The following NAV3 variants were observed in gnomAD, a reference collection of about 807,000 sequenced individuals.
NAV3 encodes the protein neuron navigator 3, also known as pore membrane and/or filament interacting like protein 1.
A neutral mutation model predicts 244.7 loss-of-function variants in NAV3; 87 were observed. The ratio of observed to expected loss-of-function variants is 0.36; its 90% CI spans 0.30 to 0.42. NAV3 has a LOEUF of 0.42. NAV3 is among the 20% of genes least tolerant of loss of function. NAV3 has a pLI of 1.00. For synonymous variants in NAV3, 1,126 were observed against 1,042.2 expected, an observed-to-expected ratio of 1.08 and a Z score of -1.55; for missense variants, 2,663 against 2,893.3, an observed-to-expected ratio of 0.92 and a Z score of 1.83.
At chr12:77,619,881 T>TCACACA (rs140525524) in intron 2 of NAV3, among the ~76,000 whole-genome samples, 2 of 149,256 alleles carry the variant, frequency 1.3e-5, no homozygotes, top group East Asian at 1.9e-4. Context: ...TCTCTCTCTC[T>TCACACA]CACACACACA....
intron 23 of NAV3, 148 bp downstream of exon 23, chr12:78,159,434 T>A (rs1310203741): frequency 1.8e-5 from 12 of 658,090 alleles, no homozygotes; most frequent in Non-Finnish European, 2.5e-5. Context: ...GAGACCAAGG[T>A]GGGTGGATCA....
intron 9 of NAV3, among the ~76,000 whole-genome samples, chr12:78,033,712 TCTCTACAATCCCCTC>T (rs1477300758): frequency 6.6e-6 from 1 of 152,142 alleles, no homozygotes; most frequent in Non-Finnish European, 1.5e-5. Context: ...TGATAAGCCT[TCTCTACAATCCCCTC>T]CTTGCTGGCT....
At chr12:77,959,329 C>T (rs1253107978) in intron 3 of NAV3, among the ~76,000 whole-genome samples, 1 of 151,810 alleles carries the variant, frequency 6.6e-6, no homozygotes, top group African/African-American at 2.4e-5. Context: ...TTAAGAAATA[C>T]TAGATTAAAA....
intron 2 of NAV3, among the ~76,000 whole-genome samples, chr12:77,645,413 TGTAAGAGGGTGAGATTTA>T (rs150477715): frequency 0.12 from 18,183 of 151,060 alleles, 1,999 homozygotes; most frequent in African/African-American, 0.29. Flanking sequence ...TCAAAGACAG[TGTAAGAGGGTGAGATTTA>T]CATCTCTAAG....
At chr12:77,998,872 G>T (rs895266263) in intron 7 of NAV3, among the ~76,000 whole-genome samples, 1 of 152,078 alleles carries the variant, frequency 6.6e-6, no homozygotes, top group African/African-American at 2.4e-5. Context: ...GACAATTAAG[G>T]TTGGAGCATC....
intron 2 of NAV3, among the ~76,000 whole-genome samples, chr12:77,737,411 T>A (rs1877382367): frequency 1.3e-5 from 2 of 151,396 alleles, no homozygotes; most frequent in South Asian, 4.2e-4. Flanking sequence ...ATTGCAAGGG[T>A]AGGGTAGGAA....
intron 2 of NAV3, among the ~76,000 whole-genome samples, chr12:77,577,262 C>A (rs902603): frequency 0.24 from 35,809 of 152,000 alleles, 4,657 homozygotes; most frequent in East Asian, 0.45. Context: ...ATCTGGCATC[C>A]TCTAAGGATG....
chr12:77,993,497 A>G (rs1054832923), intron 5 of NAV3, among the ~76,000 whole-genome samples: 1 of 152,180 alleles, frequency 6.6e-6, no homozygotes, highest in Non-Finnish European at 1.5e-5. Flanking sequence ...TGCTCAGTGT[A>G]GTTAGAATAC....
At chr12:77,843,316 G>T (rs916985593) in intron 1 of NAV3, among the ~76,000 whole-genome samples, 1 of 151,800 alleles carries the variant, frequency 6.6e-6, no homozygotes, top group East Asian at 1.9e-4. Context: ...AGACTATTTC[G>T]GTAAATGTAA....
intron 2 of NAV3, among the ~76,000 whole-genome samples, chr12:77,781,407 T>A (rs1870654303): frequency 6.6e-6 from 1 of 152,140 alleles, no homozygotes; most frequent in Non-Finnish European, 1.5e-5. Context: ...TAAAACCTTA[T>A]AACCCTTTAT....
intron 2 of NAV3, among the ~76,000 whole-genome samples, chr12:77,721,101 C>A (rs1876608444): frequency 6.6e-6 from 1 of 152,014 alleles, no homozygotes; most frequent in Non-Finnish European, 1.5e-5. Flanking sequence ...ATATCTGGAC[C>A]CAGTGGACCC....
intron 12 of NAV3, among the ~76,000 whole-genome samples, chr12:78,066,112 C>G (rs1474588776): frequency 6.6e-6 from 1 of 151,988 alleles, no homozygotes; most frequent in Non-Finnish European, 1.5e-5. Flanking sequence ...GCAAGTGCCC[C>G]TTAGCCTCTC....
intron 22 of NAV3, among the ~76,000 whole-genome samples, chr12:78,151,067 A>AT (rs1957065386): frequency 6.6e-6 from 1 of 151,894 alleles, no homozygotes; most frequent in African/African-American, 2.4e-5. Context: ...ATCATTTAAA[A>AT]AAAAATAAAA....
At chr12:78,196,583 T>A (rs1254838768) in intron 34 of NAV3, among the ~76,000 whole-genome samples, 1 of 152,056 alleles carries the variant, frequency 6.6e-6, no homozygotes, top group Non-Finnish European at 1.5e-5. Flanking sequence ...CTGGTTATCA[T>A]ATTTAGATTA....
At chr12:77,814,624 C>A (rs1403877014) in intron 2 of NAV3, among the ~76,000 whole-genome samples, 3 of 152,112 alleles carry the variant, frequency 2.0e-5, no homozygotes, top group Non-Finnish European at 4.4e-5. Flanking sequence ...AGCTTGTCAA[C>A]TGAGAAAGTA....
At chr12:77,631,972 G>T (rs1206090133) in intron 2 of NAV3, among the ~76,000 whole-genome samples, 1 of 152,206 alleles carries the variant, frequency 6.6e-6, no homozygotes, top group Admixed American at 6.5e-5. Flanking sequence ...TCCAGTCATT[G>T]ACTGGGTAGT....
chr12:77,718,000 C>A (rs1876437670), intron 2 of NAV3, among the ~76,000 whole-genome samples: 1 of 152,112 alleles, frequency 6.6e-6, no homozygotes, highest in Non-Finnish European at 1.5e-5. Flanking sequence ...ATGTGAATTG[C>A]AAACATTCCC....
chr12:78,006,580 T>C lies in NAV3; in HGVS notation c.1042T>C (p.Leu348=), dbSNP rs1286904418. The stretch of plus-strand genomic sequence containing the variant: ...CAAACACAGTGCCACCTCCACCATG[T>C]TGACTGTAAAGCAGTCAAGTACAGC... ...NVKHSATSTM[L]TVKQSSTATS... Residue 348 remains leucine, a synonymous_variant, in exon 8 of 40, where the codon TTG becomes CTG. Coordinates refer to ENST00000397909, the MANE Select transcript of NAV3 (RefSeq NM_001024383.2). The C allele has an allele frequency of 6.2e-7, 1 of 1,614,042 alleles. No individual in the cohort carries two copies. The highest frequency in any genetic ancestry group is 1.3e-5 in the African/African-American group (1 of 74,984).
intron 1 of NAV3, among the ~76,000 whole-genome samples, chr12:77,862,735 T>C (rs778606796): frequency 3.4e-4 from 51 of 151,854 alleles, no homozygotes; most frequent in Non-Finnish European, 1.3e-4. Context: ...TCATCGGTGG[T>C]GATATGTGAC....
Sources: gnomAD v4.1 joint callset for allele counts (sites outside exome capture counted in the v4.1 genomes callset) on GRCh38, gnomAD v4.1.1 for gene constraint, MANE v1.5 for transcripts, NCBI Gene and HGNC (gene_info 2026-07-23, HGNC 2026-07-21) for gene names.